Variants in KCNT2 observed in about 807,000 individuals in gnomAD.
KCNT2 encodes potassium channel subfamily T member 2.
KCNT2 carries 67 observed loss-of-function variants against 153.8 expected under a neutral mutation model. The ratio of observed to expected loss-of-function variants is 0.44; its 90% CI spans 0.36 to 0.53. KCNT2 has a LOEUF of 0.53. KCNT2 is among the 20% of genes least tolerant of loss of function. The pLI is 0.00. For synonymous variants in KCNT2, 500 were observed against 458.8 expected, an observed-to-expected ratio of 1.09 and a Z score of -1.15; for missense variants, 975 against 1,354.8, an observed-to-expected ratio of 0.72 and a Z score of 4.40.
chr1:196,470,532 T>A (rs1012374785), intron 5 of KCNT2, among the ~76,000 whole-genome samples: 8 of 152,138 alleles, frequency 5.3e-5, no homozygotes, highest in African/African-American at 1.9e-4. Flanking sequence ...AGCCCTAGTC[T>A]GTAGCCTGAC....
At chr1:196,464,733 A>G (rs778690448) in intron 8 of KCNT2, among the ~76,000 whole-genome samples, 4 of 151,974 alleles carry the variant, frequency 2.6e-5, no homozygotes, top group Non-Finnish European at 4.4e-5. Context: ...TATAATTGTC[A>G]AAGTGTGACC....
intron 7 of KCNT2, among the ~76,000 whole-genome samples, chr1:196,467,267 A>T (rs1277433396): frequency 6.6e-6 from 1 of 152,098 alleles, no homozygotes; most frequent in African/African-American, 2.4e-5. Flanking sequence ...ACATTGAGAA[A>T]TTCTGAACCA....
chr1:196,576,646 ATATCTAG>A (rs1661416851), intron 1 of KCNT2, among the ~76,000 whole-genome samples: 1 of 152,110 alleles, frequency 6.6e-6, no homozygotes, highest in Non-Finnish European at 1.5e-5. Flanking sequence ...ATGTTCCTCA[ATATCTAG>A]TATCATTTCT....
intron 1 of KCNT2, among the ~76,000 whole-genome samples, chr1:196,562,565 TG>T (rs1268770881): frequency 6.6e-6 from 1 of 151,912 alleles, no homozygotes; most frequent in Admixed American, 6.6e-5. Flanking sequence ...GCAGCAAATA[TG>T]GGGGAGAGTC....
At chr1:196,470,044 G>T (rs901195177) in intron 5 of KCNT2, among the ~76,000 whole-genome samples, 12 of 152,192 alleles carry the variant, frequency 7.9e-5, no homozygotes, top group Non-Finnish European at 1.5e-4. Flanking sequence ...AGCAGCTATT[G>T]TCTCCATATA....
chr1:196,372,518 T>C (rs1221476057), intron 14 of KCNT2, among the ~76,000 whole-genome samples: 2 of 151,872 alleles, frequency 1.3e-5, no homozygotes, highest in Non-Finnish European at 2.9e-5. Flanking sequence ...TCTTTGATCA[T>C]CCTAGTCAAA....
chr1:196,503,112 A>G (rs1680833993), intron 1 of KCNT2, among the ~76,000 whole-genome samples: 1 of 152,050 alleles, frequency 6.6e-6, no homozygotes, highest in Non-Finnish European at 1.5e-5. Context: ...GCCTGTAATA[A>G]ATTATCTTTG....
At chr1:196,257,909 A>G in intron 26 of KCNT2, 7 of 965,082 alleles carry the variant, frequency 7.3e-6, no homozygotes, top group Non-Finnish European at 8.6e-6. Context: ...TCTAACATGA[A>G]AACACAGGGT....
Position 196,226,802 on chromosome 1 carries a change from T to A in KCNT2, c.*1422A>T, listed in dbSNP as rs146118338. The A allele has an allele frequency of 6.6e-5, 10 of 152,148 alleles. No individual in the cohort carries two copies. The East Asian group carries it at 1.9e-3, about 29-fold the overall frequency. 9.4% of individuals were successfully genotyped at this position (152,148 alleles called of 1,614,324 possible). Reference sequence around the variant, plus strand: ...AAAAAAGTCCCTTTCTAGTTTTATATGTATTTTTTGTTGTTGCTGAATTAA... The same window carrying A: ...AAAAAAGTCCCTTTCTAGTTTTATAAGTATTTTTTGTTGTTGCTGAATTAA... On this transcript the variant is annotated 3_prime_UTR_variant, in exon 28 of 28. Coordinates refer to ENST00000294725, the MANE Select transcript of KCNT2 (RefSeq NM_198503.5).
chr1:196,499,018 A>C (rs146567219), intron 1 of KCNT2, among the ~76,000 whole-genome samples: 598 of 152,334 alleles, frequency 3.9e-3, no homozygotes, highest in African/African-American at 0.014. Context: ...GCCCTTAATC[A>C]AATATGACAG....
intron 1 of KCNT2, among the ~76,000 whole-genome samples, chr1:196,602,709 A>C (rs183600424): frequency 2.0e-5 from 3 of 151,612 alleles, no homozygotes; most frequent in Non-Finnish European, 2.9e-5. Context: ...AAAAACAATA[A>C]TTATTAAATA....
intron 8 of KCNT2, among the ~76,000 whole-genome samples, chr1:196,431,001 A>G (rs1420964649): frequency 6.6e-6 from 1 of 152,136 alleles, no homozygotes; most frequent in Non-Finnish European, 1.5e-5. Context: ...GCTCTCAAGA[A>G]TGGAATTAGC....
intron 12 of KCNT2, among the ~76,000 whole-genome samples, chr1:196,415,916 GC>G (rs1672716716): frequency 1.3e-5 from 2 of 151,694 alleles, no homozygotes; most frequent in African/African-American, 4.8e-5. Flanking sequence ...ATATAATAGT[GC>G]CCCCATCCAC....
chr1:196,558,532 T>C (rs1253002768), intron 1 of KCNT2, among the ~76,000 whole-genome samples: 1 of 151,402 alleles, frequency 6.6e-6, no homozygotes, highest in African/African-American at 2.4e-5. Flanking sequence ...AAGGCAATTA[T>C]TATGTAATTT....
At chr1:196,373,003 A>C in intron 14 of KCNT2, 137 bp downstream of exon 14, 3 of 522,612 alleles carry the variant, frequency 5.7e-6, no homozygotes, top group Non-Finnish European at 1.0e-5. Flanking sequence ...CTACCAGATA[A>C]AGATAACTCA....
intron 22 of KCNT2, among the ~76,000 whole-genome samples, chr1:196,298,133 A>G (rs538629896): frequency 5.8e-4 from 88 of 152,300 alleles, no homozygotes; most frequent in Admixed American, 2.6e-3. Context: ...GTAATATATA[A>G]CTTATAGACA....
intron 1 of KCNT2, among the ~76,000 whole-genome samples, chr1:196,525,158 G>A (rs1165690767): frequency 6.6e-6 from 1 of 152,044 alleles, no homozygotes; most frequent in Admixed American, 6.6e-5. Context: ...AAGAAAGTGA[G>A]GGAACAGGTA....
At chr1:196,394,805 T>C (rs1242339204) in intron 13 of KCNT2, among the ~76,000 whole-genome samples, 2 of 151,602 alleles carry the variant, frequency 1.3e-5, no homozygotes, top group African/African-American at 4.8e-5. Context: ...TTTTTCCAGC[T>C]TCACTGCCAT....
chr1:196,504,100 A>T (rs191999298), intron 1 of KCNT2, among the ~76,000 whole-genome samples: 7 of 152,170 alleles, frequency 4.6e-5, no homozygotes, highest in Non-Finnish European at 8.8e-5. Flanking sequence ...AATTATTATT[A>T]TACTTTAAGT....
Sources: allele counts gnomAD v4.1 joint callset (sites outside exome capture counted in the v4.1 genomes callset), GRCh38; gene constraint gnomAD v4.1.1; transcripts MANE v1.5; gene names NCBI Gene and HGNC (gene_info 2026-07-23, HGNC 2026-07-21).